Variants in LRRC69 observed in about 807,000 individuals in gnomAD.
LRRC69 encodes the protein leucine-rich repeat-containing protein 69.
In LRRC69, 42 loss-of-function variants were observed where a neutral mutation model predicts 37.8. The ratio of observed to expected loss-of-function variants is 1.11; its 90% CI spans 0.87 to 1.44. LRRC69 has a LOEUF of 1.44. LRRC69 is among the 40% of genes most tolerant of loss of function. LRRC69 has a pLI of 0.00. For synonymous variants in LRRC69, 141 were observed against 143.1 expected (o/e 0.99, Z 0.11); for missense variants, 357 against 401.9 (o/e 0.89, Z 0.96).
In LRRC69 at chr8:91,166,492, GAAAAA is replaced by G. The variant is rs66705016; in HGVS notation, c.652-23010_652-23006del. Among the ~76,000 whole-genome samples, 333 of 95,244 alleles carry G rather than the reference GAAAAA, an allele frequency of 3.5e-3. 3 individuals carry two copies. Among genetic ancestry groups the G allele is most frequent in the East Asian group, 0.034 (106 of 3,104 alleles). 62.5% of individuals were successfully genotyped at this position (95,244 alleles called of 152,430 possible). The stretch of plus-strand genomic sequence containing the variant: ...GGAAGAGGGGGTTGTAAAATAAACT[GAAAAA>G]AAAAAAAAAAAAAAAAAAACCTATG... On this transcript the variant is annotated intron_variant, in intron 5 of 7. Coordinates refer to ENST00000448384, the Ensembl canonical transcript of LRRC69.
At chr8:91,173,350 T>C (rs1258258057) in intron 5 of LRRC69, among the ~76,000 whole-genome samples, 1 of 150,938 alleles carries the variant, frequency 6.6e-6, no homozygotes, top group African/African-American at 2.4e-5. Context: ...CCTGGGTCAA[T>C]GCTTCCTTCC....
rs1813731132 is a variant in LRRC69 at position 91,127,128 on chromosome 8, TC to T, written c.352del (p.His118IlefsTer12). On this transcript the variant is annotated frameshift_variant, in exon 3 of 8. Transcript: ENST00000448384. LOFTEE classifies it high-confidence loss of function. ...TAATCCTGCTTAATCTGAACAACAA[TC>T]ATCTTACGCAGCTTCCTCAAGAAGT... 1 of 1,548,718 alleles carries T rather than the reference TC, an allele frequency of 6.5e-7. No individual in the cohort carries two copies. Among genetic ancestry groups the T allele is most frequent in the African/African-American group, 1.4e-5 (1 of 72,912 alleles).
At chr8:91,107,711 T>C (rs912529565) in intron 1 of LRRC69, among the ~76,000 whole-genome samples, 2 of 152,036 alleles carry the variant, frequency 1.3e-5, no homozygotes, top group African/African-American at 4.8e-5. Context: ...CCTACTTCCA[T>C]TTTTCTTTGC....
intron 5 of LRRC69, among the ~76,000 whole-genome samples, chr8:91,158,906 CTA>C (rs1474476228): frequency 3.3e-5 from 5 of 151,144 alleles, no homozygotes; most frequent in South Asian, 2.1e-4. Flanking sequence ...TGGGGGAAAA[CTA>C]TTAATTTTTT....
At chr8:91,118,785 T>C (rs1265640811) in intron 1 of LRRC69, among the ~76,000 whole-genome samples, 2 of 152,102 alleles carry the variant, frequency 1.3e-5, no homozygotes, top group Non-Finnish European at 2.9e-5. Flanking sequence ...GAACTACACA[T>C]AACCGTAGAG....
In LRRC69 at chr8:91,206,927, A is replaced by G; in HGVS notation, c.933+6135A>G. The G allele has an allele frequency of 1.9e-6, 2 of 1,039,206 alleles. 1 individual carries two copies. The highest frequency in any genetic ancestry group is 2.5e-6 in the Non-Finnish European group (2 of 795,402). The allele number at this position is 1,039,206 out of a possible 1,614,324, so 64.4% of individuals were successfully genotyped here. ...TACATGTTATTCCTGATCCTTAACC[A>G]GAGAGTCTGGGCTATGTTTCCTATG... On this transcript the variant is annotated intron_variant, in intron 7 of 7. Transcript: ENST00000448384.
chr8:91,159,935 T>G (rs1032659439), intron 5 of LRRC69, among the ~76,000 whole-genome samples: 12 of 151,176 alleles, frequency 7.9e-5, no homozygotes, highest in Admixed American at 5.3e-4. Context: ...ATGTTGTTCC[T>G]TGGAATAAAA....
intron 5 of LRRC69, among the ~76,000 whole-genome samples, chr8:91,152,618 TTTG>T: frequency 6.6e-6 from 1 of 151,770 alleles, no homozygotes; most frequent in Middle Eastern, 3.4e-3. Context: ...AGAGTTCTTT[TTTG>T]TTTCCATACA....
chr8:91,109,614 A>G (rs150395196), intron 1 of LRRC69, among the ~76,000 whole-genome samples: 23 of 152,100 alleles, frequency 1.5e-4, no homozygotes, highest in African/African-American at 5.5e-4. Flanking sequence ...TTAAAAGGCA[A>G]TGGCTTGATA....
intron 7 of LRRC69, among the ~76,000 whole-genome samples, chr8:91,208,400 G>C (rs1023843774): frequency 2.0e-5 from 3 of 152,148 alleles, no homozygotes; most frequent in African/African-American, 7.2e-5. Flanking sequence ...GAACCTTGGA[G>C]GGCAATATTA....
At chr8:91,130,279 T>C (rs1028428787) in intron 3 of LRRC69, 1 of 152,038 alleles carries the variant, frequency 6.6e-6, no homozygotes, top group Non-Finnish European at 1.5e-5. Flanking sequence ...TGTTTTTGTT[T>C]TTGTTTTTTA....
At chr8:91,188,828 G>A (rs990993809) in intron 5 of LRRC69, among the ~76,000 whole-genome samples, 18 of 148,822 alleles carry the variant, frequency 1.2e-4, no homozygotes, top group South Asian at 6.4e-4. Context: ...TATATCTTCC[G>A]TCTTCTGTTT....
At chr8:91,130,700 C>T (rs1303997610) in intron 3 of LRRC69, 2 of 152,018 alleles carry the variant, frequency 1.3e-5, no homozygotes, top group Admixed American at 6.6e-5. Context: ...CTACAATAAA[C>T]ATTATTGTAC....
chr8:91,198,329 G>T (rs949997649), intron 6 of LRRC69, among the ~76,000 whole-genome samples: 26 of 152,050 alleles, frequency 1.7e-4, no homozygotes, highest in Admixed American at 1.7e-3. Flanking sequence ...GGAAGTTAAG[G>T]GTTCATCCAA....
intron 5 of LRRC69, among the ~76,000 whole-genome samples, chr8:91,167,076 G>A (rs942986450): frequency 3.3e-5 from 5 of 151,874 alleles, no homozygotes; most frequent in Non-Finnish European, 5.9e-5. Flanking sequence ...AAAGCAAGAG[G>A]AGGGCACCAT....
At chr8:91,166,507 A>C (rs971811586) in intron 5 of LRRC69, among the ~76,000 whole-genome samples, 41 of 151,284 alleles carry the variant, frequency 2.7e-4, no homozygotes, top group African/African-American at 7.7e-4. Flanking sequence ...AAAAAAAAAA[A>C]AAAAAAAAAC....
intron 6 of LRRC69, among the ~76,000 whole-genome samples, chr8:91,191,646 G>A (rs926854515): frequency 6.6e-6 from 1 of 152,126 alleles, no homozygotes; most frequent in African/African-American, 2.4e-5. Context: ...GGGAGCTGAG[G>A]GAAATGGAGA....
intron 4 of LRRC69, among the ~76,000 whole-genome samples, chr8:91,134,718 G>A (rs1259631763): frequency 1.3e-5 from 2 of 151,990 alleles, no homozygotes; most frequent in Non-Finnish European, 2.9e-5. Flanking sequence ...CCAAACAACT[G>A]TTTGCTCTTA....
chr8:91,114,272 T>C (rs1370932312), intron 1 of LRRC69, among the ~76,000 whole-genome samples: 1 of 151,896 alleles, frequency 6.6e-6, no homozygotes, highest in Admixed American at 6.6e-5. Context: ...AAATTAATAG[T>C]AGTATGATCC....
Sources: allele counts gnomAD v4.1 joint callset (sites outside exome capture counted in the v4.1 genomes callset), GRCh38; gene constraint gnomAD v4.1.1; transcripts MANE v1.5; gene names NCBI Gene and HGNC (gene_info 2026-07-23, HGNC 2026-07-21).